The following SLC9A9 variants were observed in gnomAD, a reference collection of about 807,000 sequenced individuals.
The protein encoded by SLC9A9 is solute carrier family 9 member A9, also known as sodium/hydrogen exchanger 9.
In SLC9A9, 62 loss-of-function variants were observed where a neutral mutation model predicts 77.8. The ratio of observed to expected loss-of-function variants is 0.80; its 90% confidence interval spans 0.65 to 0.98. The LOEUF (loss-of-function observed/expected upper bound fraction) is 0.98. SLC9A9 is among the 50% of genes least tolerant of loss of function. The pLI is 0.00. For missense variants in SLC9A9, 775 were observed against 774.9 expected, an observed-to-expected ratio of 1.00 and a Z score of 0.00; for synonymous variants, 320 against 283.5, an observed-to-expected ratio of 1.13 and a Z score of -1.29.
intron 2 of SLC9A9, among the ~76,000 whole-genome samples, chr3:143,816,026 G>A (rs2009007164): frequency 6.6e-6 from 1 of 152,144 alleles, no homozygotes; most frequent in Non-Finnish European, 1.5e-5. Context: ...TTTTATGTAT[G>A]TGCTTGACTT....
chr3:143,519,756 T>C (rs1023544180), intron 9 of SLC9A9, among the ~76,000 whole-genome samples: 1 of 152,138 alleles, frequency 6.6e-6, no homozygotes, highest in African/African-American at 2.4e-5. Flanking sequence ...ATTCTGTATA[T>C]ATTTTGAAAG....
At chr3:143,368,550 T>C (rs564953027) in intron 13 of SLC9A9, among the ~76,000 whole-genome samples, 2 of 152,316 alleles carry the variant, frequency 1.3e-5, no homozygotes, top group East Asian at 3.9e-4. Flanking sequence ...GGATTTTCCT[T>C]TCTATTTCTC....
intron 12 of SLC9A9, among the ~76,000 whole-genome samples, chr3:143,416,924 G>GA (rs1222543666): frequency 6.6e-6 from 1 of 152,176 alleles, no homozygotes; most frequent in African/African-American, 2.4e-5. Context: ...GAGCTAGACT[G>GA]AAAAGAGTCT....
At chr3:143,644,068 T>C (rs1367938825) in intron 6 of SLC9A9, among the ~76,000 whole-genome samples, 4 of 151,940 alleles carry the variant, frequency 2.6e-5, no homozygotes, top group Non-Finnish European at 5.9e-5. Flanking sequence ...AGAATGAGGC[T>C]AGCACTCAGA....
At chr3:143,469,971 A>G (rs1276066452) in intron 11 of SLC9A9, among the ~76,000 whole-genome samples, 3 of 152,202 alleles carry the variant, frequency 2.0e-5, no homozygotes, top group African/African-American at 7.2e-5. Flanking sequence ...ATTCATACCC[A>G]GCTGGGGATA....
At chr3:143,415,083 G>A (rs909672777) in intron 12 of SLC9A9, among the ~76,000 whole-genome samples, 3 of 152,196 alleles carry the variant, frequency 2.0e-5, no homozygotes, top group Non-Finnish European at 2.9e-5. Flanking sequence ...CCCAGAGGGG[G>A]GCCCTAACTC....
At chr3:143,559,390 G>A (rs531480398) in intron 8 of SLC9A9, among the ~76,000 whole-genome samples, 55 of 152,282 alleles carry the variant, frequency 3.6e-4, no homozygotes, top group African/African-American at 1.1e-3. Context: ...TAGCTACTGC[G>A]ACGTGTAAGA....
intron 4 of SLC9A9, among the ~76,000 whole-genome samples, chr3:143,785,725 T>G (rs2008028166): frequency 6.6e-6 from 1 of 151,908 alleles, no homozygotes; most frequent in Non-Finnish European, 1.5e-5. Context: ...AGAGTCACAT[T>G]TACTGTAACT....
chr3:143,334,279 G>A (rs980239276), intron 14 of SLC9A9, among the ~76,000 whole-genome samples: 2 of 152,292 alleles, frequency 1.3e-5, no homozygotes, highest in East Asian at 1.9e-4. Flanking sequence ...CATGGCCAGT[G>A]GAATTAAAAT....
chr3:143,453,321 A>T (rs2035038682), intron 12 of SLC9A9, among the ~76,000 whole-genome samples: 1 of 152,128 alleles, frequency 6.6e-6, no homozygotes, highest in Non-Finnish European at 1.5e-5. Flanking sequence ...CAGAATATGA[A>T]AAAATGGAAA....
At chr3:143,662,088 T>C (rs16854008) in intron 5 of SLC9A9, among the ~76,000 whole-genome samples, 22,269 of 152,128 alleles carry the variant, frequency 0.15, 2,385 homozygotes, top group African/African-American at 0.31. Flanking sequence ...ATCTCCAGCT[T>C]TAGAGAATAT....
At chr3:143,669,635 C>T (rs1035838768) in intron 5 of SLC9A9, among the ~76,000 whole-genome samples, 8 of 152,288 alleles carry the variant, frequency 5.3e-5, no homozygotes, top group African/African-American at 1.7e-4. Context: ...TGTGCCAAGA[C>T]CTTGCTATTT....
At chr3:143,374,380 G>A (rs2033128025) in intron 13 of SLC9A9, among the ~76,000 whole-genome samples, 1 of 131,338 alleles carries the variant, frequency 7.6e-6, no homozygotes, top group Admixed American at 9.2e-5. Context: ...AGCCAAGATC[G>A]CACCACTGTA....
intron 4 of SLC9A9, among the ~76,000 whole-genome samples, chr3:143,780,624 A>G (rs2007842118): frequency 6.6e-6 from 1 of 152,220 alleles, no homozygotes; most frequent in Non-Finnish European, 1.5e-5. Flanking sequence ...CTCATAACAC[A>G]TATTCTAAGG....
intron 14 of SLC9A9, 62 bp downstream of exon 14, chr3:143,363,422 A>G: frequency 6.7e-7 from 1 of 1,483,602 alleles, no homozygotes. Context: ...TCAATGATTA[A>G]GAGCTTAAAG....
chr3:143,315,498 C>T (rs2108441170), intron 14 of SLC9A9, among the ~76,000 whole-genome samples: 1 of 152,334 alleles, frequency 6.6e-6, no homozygotes, highest in Non-Finnish European at 1.5e-5. Flanking sequence ...TATTTTTCCA[C>T]TTCTGCTTCC....
At chr3:143,805,871 G>A (rs1443144812) in intron 2 of SLC9A9, among the ~76,000 whole-genome samples, 1 of 152,068 alleles carries the variant, frequency 6.6e-6, no homozygotes. Context: ...TGATTAAAAA[G>A]CTTTATTGCT....
At chr3:143,419,491 C>A (rs16853578) in intron 12 of SLC9A9, among the ~76,000 whole-genome samples, 14,392 of 152,138 alleles carry the variant, frequency 0.095, 784 homozygotes, top group South Asian at 0.17. Context: ...TTATAATAGG[C>A]CCCATCTACC....
At chr3:143,533,867 T>C (rs1403906209) in intron 9 of SLC9A9, among the ~76,000 whole-genome samples, 1 of 152,244 alleles carries the variant, frequency 6.6e-6, no homozygotes, top group African/African-American at 2.4e-5. Flanking sequence ...GCAATACATT[T>C]CTAGGTTTAG....
Sources: allele counts gnomAD v4.1 joint callset (sites outside exome capture counted in the v4.1 genomes callset), GRCh38; gene constraint gnomAD v4.1.1; transcripts MANE v1.5; gene names NCBI Gene and HGNC (gene_info 2026-07-23, HGNC 2026-07-21).